Variants in MICAL1 observed in about 807,000 individuals in gnomAD.
MICAL1 encodes microtubule associated monooxygenase, calponin and LIM domain containing 1, also known as [F-actin]-monooxygenase MICAL1.
Under a neutral mutation model 131.8 loss-of-function variants are expected in MICAL1, and 95 were observed. The observed-to-expected ratio is 0.72, with a 90% CI of 0.61 to 0.86. The LOEUF (loss-of-function observed/expected upper bound fraction) is 0.86, where lower values mean the gene tolerates loss of function less well. MICAL1 is among the 40% of genes least tolerant of loss of function. The pLI is 0.00. For missense variants in MICAL1, 1,292 were observed against 1,380.6 expected (o/e 0.94, Z 1.02); for synonymous variants, 546 against 554.2 (o/e 0.99, Z 0.21).
Position 109,448,292 on chromosome 6 carries a change from T to G in MICAL1, c.1766A>C (p.Gln589Pro), listed in dbSNP as rs1474143489. The change falls in exon 13 of 25, where the codon CAG becomes CCG. Residue 589 changes from glutamine (Q) to proline (P), a missense_variant. Transcript: ENST00000358807. ...TGGGTCACTCCCTGCTACCACGGCC[T>G]GTGCAGACACCACCGGTGTGATGCC... ...ELGITPVVSA[Q>P]AVVAGSDPLG... 2.5e-6 allele frequency: 4 copies of G among 1,614,022 alleles called. No homozygotes were observed. Among genetic ancestry groups the G allele is most frequent in the Non-Finnish European group, 3.4e-6 (4 of 1,180,008 alleles).
At chr6:109,460,520 A>AC (rs1775858696), upstream of MICAL1, among the ~76,000 whole-genome samples, 1 of 93,836 alleles carries the variant, frequency 1.1e-5, no homozygotes, top group Non-Finnish European at 2.0e-5. Flanking sequence ...ATATATATAT[A>AC]AATACACACA....
At chr6:109,454,375 T>G in intron 1 of MICAL1, 136 bp from the exon 2 acceptor site, 1 of 901,902 alleles carries the variant, frequency 1.1e-6, no homozygotes, top group Non-Finnish European at 1.6e-6. Context: ...TCCCAGCCCA[T>G]TCCCCTGCCA....
chr6:109,449,693 G>A lies in MICAL1; in HGVS notation c.1398C>T (p.Tyr466=), dbSNP rs1265023394. 3.2e-6 allele frequency: 5 copies of A among 1,587,082 alleles called. No homozygotes were observed. The Admixed American group carries it at 8.7e-5, about 28-fold the overall frequency. Reference sequence around the variant, plus strand: ...TCACTGCCCGGAGGTTCAGGTTGGGGTAGCGGGTGGCTGGGTCCAGCCCAT... The same window carrying A: ...TCACTGCCCGGAGGTTCAGGTTGGGATAGCGGGTGGCTGGGTCCAGCCCAT... The part of the protein sequence containing the change: ...AQYGLDPATR[Y]PNLNLRAVTP... The change falls in exon 10 of 25, where the codon TAC becomes TAT. Residue 466 remains tyrosine (Y), a synonymous_variant. Coordinates refer to ENST00000358807, the MANE Select transcript of MICAL1 (RefSeq NM_022765.4).
intron 24 of MICAL1, 152 bp from the exon 25 acceptor site, chr6:109,444,491 GCA>G: frequency 6.8e-6 from 8 of 1,173,280 alleles, no homozygotes; most frequent in Admixed American, 2.5e-5. Context: ...TGGTTTTCTA[GCA>G]CTACTGAGCA....
intron 4 of MICAL1, 119 bp from the exon 5 acceptor site, chr6:109,452,734 G>A: frequency 1.4e-6 from 1 of 706,566 alleles, no homozygotes; most frequent in South Asian, 1.9e-5. Flanking sequence ...AGAAAGCAAT[G>A]ATATATTATC....
chr6:109,448,099 C>A, intron 13 of MICAL1, 104 bp downstream of exon 13: 1 of 784,318 alleles, frequency 1.3e-6, no homozygotes, highest in Non-Finnish European at 1.8e-6. Context: ...CTCTTTCTGA[C>A]ACACACACAC....
intron 24 of MICAL1, 107 bp downstream of exon 24, chr6:109,444,616 TCA>T (rs1775123269): frequency 7.4e-7 from 1 of 1,354,880 alleles, no homozygotes; most frequent in Admixed American, 1.7e-5. Flanking sequence ...CTGAATTGTC[TCA>T]GAGGTACACA....
chr6:109,450,261 C>T (rs760812973), intron 8 of MICAL1, 39 bp downstream of exon 8: 59 of 1,588,876 alleles, frequency 3.7e-5, no homozygotes, highest in Non-Finnish European at 4.7e-5. Flanking sequence ...CAGCTCCCTC[C>T]CCTAACCATG....
In MICAL1 at chr6:109,449,488, C is replaced by T. The variant is rs1202273352; in HGVS notation, c.1435-7G>A. ...CATCATACAGGTCTCGTACCTAAGG[C>T]AGCCCCGCTCAGGTCTCAAGGCAGG... On this transcript the variant is annotated splice_polypyrimidine_tract_variant and splice_region_variant and intron_variant, in intron 10 of 24. Transcript: ENST00000358807. The T allele has an allele frequency of 1.9e-6, 3 of 1,614,072 alleles. No homozygotes were observed. The highest frequency in any genetic ancestry group is 2.5e-6 in the Non-Finnish European group (3 of 1,180,034).
In MICAL1 at chr6:109,446,682, C is replaced by T; in HGVS notation, c.2304+14G>A. On this transcript the variant is annotated intron_variant, in intron 18 of 24. Coordinates refer to ENST00000358807, the MANE Select transcript of MICAL1 (RefSeq NM_022765.4). ...TCCCATGCCCCAATATACATACACG[C>T]CTTCAGTCTTTACCGGACTCTCAGG... is the stretch of plus-strand genomic sequence containing the variant. The T allele has an allele frequency of 6.2e-7, 1 of 1,612,436 alleles. No individual in the cohort carries two copies. The highest frequency in any genetic ancestry group is 8.5e-7 in the Non-Finnish European group (1 of 1,179,010).
At chr6:109,445,557 T>C in intron 20 of MICAL1, 28 bp from the exon 21 acceptor site, 1 of 1,608,750 alleles carries the variant, frequency 6.2e-7, no homozygotes, top group East Asian at 2.2e-5. Flanking sequence ...CAGTCAGGGA[T>C]AGGGCCTGGG....
Position 109,465,663 on chromosome 6 carries a change from C to A in MICAL1, c.14+1G>T. 6.3e-7 allele frequency: 1 copy of A among 1,575,570 alleles called. No homozygotes were observed. Among genetic ancestry groups the A allele is most frequent in the Non-Finnish European group, 8.6e-7 (1 of 1,166,852 alleles). On this transcript the variant is annotated splice_donor_variant, in intron 1 of 24. Coordinates refer to the MICAL1 transcript ENST00000630715. LOFTEE classifies it high-confidence loss of function. ...TTGAAATGCTCAATACAAATCAGTACCTTAGACAAGACATACACACATCTT... is the reference window on the plus strand; with the variant it reads ...TTGAAATGCTCAATACAAATCAGTAACTTAGACAAGACATACACACATCTT...
intron 4 of MICAL1, 72 bp downstream of exon 4, chr6:109,453,191 C>A: frequency 1.6e-6 from 2 of 1,232,190 alleles, no homozygotes; most frequent in South Asian, 2.4e-5. Context: ...ACTCCTGGCC[C>A]ATCCTTTTTC....
chr6:109,445,129 C>A, intron 22 of MICAL1, 68 bp downstream of exon 22: 1 of 1,595,846 alleles, frequency 6.3e-7, no homozygotes, highest in African/African-American at 1.3e-5. Flanking sequence ...ACTGGGACTC[C>A]TACGGGCTGG....
chr6:109,445,143 G>A (rs890422565), intron 22 of MICAL1, 54 bp downstream of exon 22: 23 of 1,601,054 alleles, frequency 1.4e-5, no homozygotes, highest in South Asian at 7.7e-5. Flanking sequence ...GGGCTGGAGC[G>A]TGGAGCTGAA....
upstream of MICAL1, among the ~76,000 whole-genome samples, chr6:109,457,912 G>A (rs567094343): frequency 1.3e-4 from 20 of 152,326 alleles, no homozygotes; most frequent in South Asian, 4.1e-3. Context: ...AATCCAGAAG[G>A]TCTGGTTGGA....
chr6:109,464,818 G>C (rs993657619), intron 1 of MICAL1: 1 of 152,104 alleles, frequency 6.6e-6, no homozygotes, highest in African/African-American at 2.4e-5. Flanking sequence ...AAAAAGGAAA[G>C]ATTAGGAGAA....
In MICAL1 at chr6:109,444,125, G is replaced by C; in HGVS notation, c.*66C>G. The C allele has an allele frequency of 1.3e-6, 2 of 1,568,358 alleles. No individual in the cohort carries two copies. The highest frequency in any genetic ancestry group is 1.7e-6 in the Non-Finnish European group (2 of 1,162,226). On this transcript the variant is annotated 3_prime_UTR_variant, in exon 25 of 25. Coordinates refer to ENST00000358807, the MANE Select transcript of MICAL1 (RefSeq NM_022765.4). Reference sequence around the variant, plus strand: ...CTCTGCCAGGCAGCCCAGATGAACAGGGGTGGCACTGTGCTGGGGTGAGGT... The same window carrying C: ...CTCTGCCAGGCAGCCCAGATGAACACGGGTGGCACTGTGCTGGGGTGAGGT...
chr6:109,459,430 G>A (rs1775835967), upstream of MICAL1, among the ~76,000 whole-genome samples: 1 of 152,144 alleles, frequency 6.6e-6, no homozygotes, highest in African/African-American at 2.4e-5. Flanking sequence ...GATATTTCAA[G>A]GTGAAACTGA....
Sources: allele counts gnomAD v4.1 joint callset (sites outside exome capture counted in the v4.1 genomes callset), GRCh38; gene constraint gnomAD v4.1.1; transcripts MANE v1.5; gene names NCBI Gene and HGNC (gene_info 2026-07-23, HGNC 2026-07-21).